The following KIF13A variants were observed in gnomAD, a reference collection of about 807,000 sequenced individuals.
The protein encoded by KIF13A is kinesin-like protein KIF13A.
A neutral mutation model predicts 212.2 loss-of-function variants in KIF13A; 79 were observed. That is an observed-to-expected ratio of 0.37 (90% CI 0.31 to 0.45). The LOEUF is 0.45. Among genes scored for constraint, KIF13A ranks in the 20% least tolerant of loss-of-function variants. The pLI is 1.00. For missense variants in KIF13A, 1,901 were observed against 2,209.0 expected (o/e 0.86, Z 2.79); for synonymous variants, 789 against 808.6 (o/e 0.98, Z 0.41).
At chr6:17,821,779 TA>T in intron 16 of KIF13A, 1 of 1,535,224 alleles carries the variant, frequency 6.5e-7, no homozygotes, top group Non-Finnish European at 8.7e-7. Context: ...GCCAATCAGT[TA>T]AAAACCTTTA....
chr6:17,932,115 G>A (rs980388982), intron 2 of KIF13A, among the ~76,000 whole-genome samples: 4 of 152,012 alleles, frequency 2.6e-5, no homozygotes, highest in Admixed American at 1.3e-4. Flanking sequence ...AGGTGACTCC[G>A]ATGTATGTCA....
At chr6:17,976,260 G>A (rs1780460590) in intron 2 of KIF13A, among the ~76,000 whole-genome samples, 1 of 152,176 alleles carries the variant, frequency 6.6e-6, no homozygotes, top group Non-Finnish European at 1.5e-5. Flanking sequence ...AGGGAGGCTC[G>A]GGCTGCACAG....
At chr6:17,962,407 A>C (rs1004312626) in intron 2 of KIF13A, among the ~76,000 whole-genome samples, 1 of 152,188 alleles carries the variant, frequency 6.6e-6, no homozygotes, top group Non-Finnish European at 1.5e-5. Context: ...TGAGGAGAAG[A>C]AGCAATAAGT....
intron 4 of KIF13A, among the ~76,000 whole-genome samples, chr6:17,868,249 G>C (rs924450571): frequency 6.6e-6 from 1 of 152,106 alleles, no homozygotes; most frequent in Non-Finnish European, 1.5e-5. Context: ...GATTTCTGTA[G>C]AGCTGGGAAG....
intron 2 of KIF13A, among the ~76,000 whole-genome samples, chr6:17,985,663 T>A (rs1300221077): frequency 6.8e-6 from 1 of 146,038 alleles, no homozygotes; most frequent in East Asian, 2.1e-4. Flanking sequence ...CATTCGTTGG[T>A]GATATGGGCA....
chr6:17,799,317 A>G lies in KIF13A; in HGVS notation c.2739T>C (p.Pro913=). The change falls in exon 22 of 39, where the codon CCT becomes CCC. Residue 913 remains proline (P), a synonymous_variant. Transcript: ENST00000259711. The surrounding 1 kb of genome is among the most constrained non-coding windows in gnomAD (Gnocchi z 4.4). ...VAAPVVDPEV[P]SPQSKDAQYT... Reference sequence around the variant, plus strand: ...ACTGGGCATCCTTGGACTGTGGTGAAGGCACCTCGGGGTCCACCACCGGGG... The same window carrying G: ...ACTGGGCATCCTTGGACTGTGGTGAGGGCACCTCGGGGTCCACCACCGGGG... 1 of 1,613,580 alleles carries G rather than the reference A, an allele frequency of 6.2e-7. No homozygotes were observed. The highest frequency in any genetic ancestry group is 8.5e-7 in the Non-Finnish European group (1 of 1,179,718).
At chr6:17,931,801 C>G (rs190223759) in intron 2 of KIF13A, among the ~76,000 whole-genome samples, 1 of 151,716 alleles carries the variant, frequency 6.6e-6, no homozygotes, top group Admixed American at 6.6e-5. Context: ...CTTTTAAATG[C>G]GATTTCTTCT....
chr6:17,922,608 TAA>T (rs11285603), intron 2 of KIF13A, among the ~76,000 whole-genome samples: 282 of 145,172 alleles, frequency 1.9e-3, no homozygotes, highest in African/African-American at 4.5e-3. Context: ...ATGAAAAACT[TAA>T]AAAAAAAAAA....
At chr6:17,925,786 C>T (rs920015437) in intron 2 of KIF13A, among the ~76,000 whole-genome samples, 5 of 152,058 alleles carry the variant, frequency 3.3e-5, no homozygotes, top group East Asian at 1.9e-4. Context: ...AGAGTAATGA[C>T]GAAGGCAAAC....
chr6:17,955,798 T>C (rs962284832), intron 2 of KIF13A, among the ~76,000 whole-genome samples: 4 of 152,210 alleles, frequency 2.6e-5, no homozygotes, highest in African/African-American at 9.6e-5. Flanking sequence ...GTGTAGTTTG[T>C]TTCCATGCAT....
chr6:17,867,836 G>A (rs1769565521), intron 4 of KIF13A, among the ~76,000 whole-genome samples: 1 of 152,150 alleles, frequency 6.6e-6, no homozygotes, highest in Admixed American at 6.5e-5. Context: ...GTCTCATTAC[G>A]ATTCTGGTTA....
rs892388667 is a variant in KIF13A at position 17,913,096 on chromosome 6, C to CAT, written c.147-14918_147-14917dup. ...AACAGTGCTCAGCCAAATACATAAA[C>CAT]ATATATATATATATTTATATATTTT... On this transcript the variant is annotated intron_variant, in intron 2 of 38. Coordinates refer to ENST00000259711, the MANE Select transcript of KIF13A (RefSeq NM_022113.6). Among the ~76,000 whole-genome samples the CAT allele has an allele frequency of 5.8e-4, 88 of 150,444 alleles. 1 individual carries two copies. The highest frequency in any genetic ancestry group is 5.3e-3 in the South Asian group (25 of 4,756).
At chr6:17,930,936 G>GT (rs1373108373) in intron 2 of KIF13A, among the ~76,000 whole-genome samples, 5 of 152,166 alleles carry the variant, frequency 3.3e-5, no homozygotes, top group Non-Finnish European at 5.9e-5. Context: ...TATTCTAAGT[G>GT]TTTTCTCCAC....
chr6:17,915,936 CA>C lies in KIF13A; in HGVS notation c.147-17757del, dbSNP rs1201620976. On this transcript the variant is annotated intron_variant, in intron 2 of 38. Coordinates refer to ENST00000259711, the MANE Select transcript of KIF13A (RefSeq NM_022113.6). This position sits in a 1 kb window ranked among gnomAD's most constrained non-coding sequence, Gnocchi z 4.4. ...AGCCTGGGTGACAGAGAGCCAGTCT[CA>C]AAAAAAAAAATAAAAATAAAAATAA... Among the ~76,000 whole-genome samples, 1,698 of 126,648 alleles carry C rather than the reference CA, an allele frequency of 0.013. 28 individuals carry two copies. Among genetic ancestry groups the C allele is most frequent in the African/African-American group, 0.051 (1,555 of 30,598 alleles). 83.1% of individuals were successfully genotyped at this position (126,648 alleles called of 152,430 possible).
Position 17,787,568 on chromosome 6 carries a change from T to C in KIF13A, c.3361+208A>G, listed in dbSNP as rs1189092461. On this transcript the variant is annotated intron_variant, in intron 27 of 38. Transcript: ENST00000259711. This position sits in a 1 kb window ranked among gnomAD's most constrained non-coding sequence, Gnocchi z 4.6. The stretch of plus-strand genomic sequence containing the variant: ...CAGGAGGCTGAGGCAGGAGGATCTC[T>C]TGAGGCCAGGAGTTAGAGGCTGCAG... Among the ~76,000 whole-genome samples, 2 of 152,090 alleles carry C rather than the reference T, an allele frequency of 1.3e-5. No homozygotes were observed. Among genetic ancestry groups the C allele is most frequent in the Non-Finnish European group, 2.9e-5 (2 of 68,028 alleles).
Position 17,780,763 on chromosome 6 carries a change from T to C in KIF13A, c.3813A>G (p.Arg1271=). ...TGTAAATATTGGCTGCAATTCGTTT[T>C]CGTAATACTAACTCCATAGCAGCAG... ...SHPAAMELVL[R]KRIAANIYNK... Residue 1271 remains arginine, a synonymous_variant, in exon 31 of 39, where the codon CGA becomes CGG. Coordinates refer to ENST00000259711, the MANE Select transcript of KIF13A (RefSeq NM_022113.6). 1.2e-6 allele frequency: 2 copies of C among 1,614,060 alleles called. No individual in the cohort carries two copies. Among genetic ancestry groups the C allele is most frequent in the East Asian group, 2.2e-5 (1 of 44,882 alleles).
At chr6:17,791,651 A>G (rs1309117730) in intron 25 of KIF13A, among the ~76,000 whole-genome samples, 1 of 152,140 alleles carries the variant, frequency 6.6e-6, no homozygotes, top group African/African-American at 2.4e-5. Flanking sequence ...GTGTAATCCC[A>G]GTACTTTGGG....
rs1581751589 is a variant in KIF13A, at chr6:17,926,190, T to C, written c.147-28010A>G. On this transcript the variant is annotated intron_variant, in intron 2 of 38. Transcript: ENST00000259711. The surrounding 1 kb of genome is among the most constrained non-coding windows in gnomAD (Gnocchi z 4.3). ...ATATAGAGTGACCAACATTCAGTTC[T>C]TGTAAACTTCCACGAATTCCTAAAT... Among the ~76,000 whole-genome samples the C allele has an allele frequency of 6.6e-6, 1 of 152,352 alleles. No homozygotes were observed. Among genetic ancestry groups the C allele is most frequent in the Non-Finnish European group, 1.5e-5 (1 of 68,032 alleles).
intron 2 of KIF13A, among the ~76,000 whole-genome samples, chr6:17,917,659 C>T (rs759756895): frequency 1.3e-5 from 2 of 152,176 alleles, no homozygotes; most frequent in African/African-American, 4.8e-5. Context: ...AAAGGCAAAA[C>T]TAGGATTAAA....
Sources: allele counts gnomAD v4.1 joint callset (sites outside exome capture counted in the v4.1 genomes callset), GRCh38; gene constraint gnomAD v4.1.1; non-coding constraint Gnocchi (gnomAD v3.1); transcripts MANE v1.5; gene names NCBI Gene and HGNC (gene_info 2026-07-23, HGNC 2026-07-21).